The following AGTR1 variants were observed in gnomAD, a reference collection of about 807,000 sequenced individuals.
AGTR1 encodes the protein angiotensin II receptor type 1.
A neutral mutation model predicts 19.4 loss-of-function variants in AGTR1; 16 were observed. The ratio of observed to expected loss-of-function variants is 0.82; its 90% CI spans 0.56 to 1.25. AGTR1 has a LOEUF of 1.25. AGTR1 is among the 50% of genes most tolerant of loss of function. The pLI is 0.00. For synonymous variants in AGTR1, 153 were observed against 154.9 expected (o/e 0.99, Z 0.09); for missense variants, 373 against 431.9 (o/e 0.86, Z 1.21).
At chr3:148,733,254 T>C (rs1332599787) in intron 2 of AGTR1, among the ~76,000 whole-genome samples, 2 of 152,224 alleles carry the variant, frequency 1.3e-5, no homozygotes, top group African/African-American at 4.8e-5. Context: ...GTGTACAGTA[T>C]ATCGAATATT....
intron 1 of AGTR1, among the ~76,000 whole-genome samples, chr3:148,705,118 C>T (rs1712593685): frequency 6.6e-6 from 1 of 152,102 alleles, no homozygotes; most frequent in African/African-American, 2.4e-5. Context: ...CTAAGAGTCC[C>T]CTGGTTTCAC....
chr3:148,737,910 CT>C (rs1714659606), intron 2 of AGTR1, among the ~76,000 whole-genome samples: 1 of 152,048 alleles, frequency 6.6e-6, no homozygotes, highest in Non-Finnish European at 1.5e-5. Flanking sequence ...TCAAAGCTAC[CT>C]TTTATATATT....
chr3:148,734,183 TAAAC>T (rs1714441985), intron 2 of AGTR1, among the ~76,000 whole-genome samples: 1 of 152,338 alleles, frequency 6.6e-6, no homozygotes, highest in East Asian at 1.9e-4. Context: ...ACAGTAGTCT[TAAAC>T]AATTCCCAAG....
chr3:148,712,607 G>C (rs1444730870), intron 2 of AGTR1, among the ~76,000 whole-genome samples: 5 of 152,158 alleles, frequency 3.3e-5, no homozygotes, highest in African/African-American at 4.8e-5. Flanking sequence ...GCTGCCTCCT[G>C]GTCCCTCCAG....
intron 2 of AGTR1, among the ~76,000 whole-genome samples, chr3:148,729,544 C>G (rs1377313474): frequency 6.6e-6 from 1 of 152,188 alleles, no homozygotes; most frequent in African/African-American, 2.4e-5. Flanking sequence ...CATCTGGTAA[C>G]TCATTTATTG....
At chr3:148,718,596 G>A (rs1713428717) in intron 2 of AGTR1, among the ~76,000 whole-genome samples, 3 of 152,104 alleles carry the variant, frequency 2.0e-5, no homozygotes, top group Admixed American at 2.0e-4. Context: ...ACTTTAACCA[G>A]GCAAGCTCAG....
intron 2 of AGTR1, among the ~76,000 whole-genome samples, chr3:148,719,788 C>T (rs1713518821): frequency 6.6e-6 from 1 of 152,210 alleles, no homozygotes; most frequent in South Asian, 2.1e-4. Flanking sequence ...TGTTCGTAAA[C>T]TCCCAGTTGA....
At chr3:148,715,509 G>C (rs1315150643) in intron 2 of AGTR1, among the ~76,000 whole-genome samples, 1 of 152,044 alleles carries the variant, frequency 6.6e-6, no homozygotes, top group Non-Finnish European at 1.5e-5. Context: ...GCCTCCATTA[G>C]AGACATCCCC....
chr3:148,737,788 T>G (rs1048559151), intron 2 of AGTR1, among the ~76,000 whole-genome samples: 2 of 152,216 alleles, frequency 1.3e-5, no homozygotes, highest in African/African-American at 4.8e-5. Context: ...TACATTTATG[T>G]AAAATGTTCT....
chr3:148,710,594 A>G (rs1026770052), intron 2 of AGTR1, among the ~76,000 whole-genome samples: 4 of 152,204 alleles, frequency 2.6e-5, no homozygotes, highest in African/African-American at 9.6e-5. Flanking sequence ...TCACCATTGC[A>G]TAGACATAAT....
intron 1 of AGTR1, among the ~76,000 whole-genome samples, chr3:148,699,445 C>A (rs769914571): frequency 5.9e-5 from 9 of 152,166 alleles, no homozygotes; most frequent in Non-Finnish European, 1.0e-4. Context: ...ACCTGCATAA[C>A]CTGTCCTCAG....
At chr3:148,735,039 C>A (rs1356031892) in intron 2 of AGTR1, among the ~76,000 whole-genome samples, 3 of 152,068 alleles carry the variant, frequency 2.0e-5, no homozygotes, top group Non-Finnish European at 4.4e-5. Context: ...CACATTGGGC[C>A]AGATCAGGAC....
intron 2 of AGTR1, among the ~76,000 whole-genome samples, chr3:148,720,245 AAATCAAGCAGAAACACAC>A (rs1238315651): frequency 5.9e-5 from 9 of 152,116 alleles, no homozygotes; most frequent in Non-Finnish European, 1.3e-4. Flanking sequence ...CCACATCATA[AAATCAAGCAGAAACACAC>A]ACACACCACA....
intron 1 of AGTR1, among the ~76,000 whole-genome samples, chr3:148,701,190 AT>A (rs1467535006): frequency 2.6e-5 from 4 of 152,342 alleles, no homozygotes; most frequent in African/African-American, 7.2e-5. Flanking sequence ...CAGAAAAAAA[AT>A]CTTATAATTT....
At chr3:148,699,918 G>A (rs528110557) in intron 1 of AGTR1, among the ~76,000 whole-genome samples, 1 of 152,156 alleles carries the variant, frequency 6.6e-6, no homozygotes, top group Admixed American at 6.5e-5. Flanking sequence ...ATCCAACTCA[G>A]AATAAAATTG....
chr3:148,727,715 G>T (rs1714034519), intron 2 of AGTR1, among the ~76,000 whole-genome samples: 1 of 152,152 alleles, frequency 6.6e-6, no homozygotes, highest in South Asian at 2.1e-4. Flanking sequence ...TTAGACTTTG[G>T]TCACCCAATA....
chr3:148,708,491 A>G (rs571107464), intron 2 of AGTR1, among the ~76,000 whole-genome samples: 1 of 152,292 alleles, frequency 6.6e-6, no homozygotes, highest in African/African-American at 2.4e-5. Flanking sequence ...TCTCACCTTC[A>G]GAAAACCCAA....
rs573743547 is a variant in AGTR1 at position 148,723,727 on chromosome 3, T to C, written c.-48+15700T>C. On this transcript the variant is annotated intron_variant, in intron 2 of 2. Transcript: ENST00000349243. ...CAGGCACATCTCACGAAGTGCAGAC[T>C]ATGCAAGCTGGCTGTGTGAGATCAA... Among the ~76,000 whole-genome samples the C allele has an allele frequency of 3.3e-5, 5 of 152,370 alleles. No homozygotes were observed. In the South Asian group the frequency reaches 1.0e-3, roughly 32 times the overall value.
At chr3:148,708,445 G>A (rs986957355) in intron 2 of AGTR1, among the ~76,000 whole-genome samples, 5 of 152,030 alleles carry the variant, frequency 3.3e-5, no homozygotes, top group Admixed American at 6.6e-5. Flanking sequence ...GCTCACTTTC[G>A]GAAGTGTTAA....
Sources: gnomAD v4.1 joint callset for allele counts (sites outside exome capture counted in the v4.1 genomes callset) on GRCh38, gnomAD v4.1.1 for gene constraint, MANE v1.5 for transcripts, NCBI Gene and HGNC (gene_info 2026-07-23, HGNC 2026-07-21) for gene names.